The following ZNF131 variants were observed in gnomAD, a reference collection of about 807,000 sequenced individuals.
The protein encoded by ZNF131 is zinc finger protein 131.
Under a neutral mutation model 60.0 loss-of-function variants are expected in ZNF131, and 7 were observed. The observed-to-expected ratio is 0.12, with a 90% CI of 0.07 to 0.22. The LOEUF is 0.22. Among genes scored for constraint, ZNF131 ranks in the 10% least tolerant of loss-of-function variants. ZNF131 has a pLI of 1.00. For missense variants in ZNF131, 493 were observed against 740.9 expected, an observed-to-expected ratio of 0.67 and a Z score of 3.88; for synonymous variants, 257 against 253.2, an observed-to-expected ratio of 1.01 and a Z score of -0.14.
At chr5:43,144,378 A>G (rs1486277945) in intron 4 of ZNF131, among the ~76,000 whole-genome samples, 1 of 146,796 alleles carries the variant, frequency 6.8e-6, no homozygotes, top group Non-Finnish European at 1.5e-5. Context: ...ATAGGCGCTC[A>G]CCACCACGCC....
chr5:43,127,867 C>T (rs1489164600), intron 3 of ZNF131, among the ~76,000 whole-genome samples: 2 of 152,198 alleles, frequency 1.3e-5, no homozygotes, highest in Non-Finnish European at 2.9e-5. Context: ...TAAATTCATT[C>T]TTTTTCTACT....
Position 43,175,304 on chromosome 5 carries a change from T to C in ZNF131, c.*171T>C, listed in dbSNP as rs1023838711. The stretch of plus-strand genomic sequence containing the variant: ...ACATTGATTCCCCTCCCCCTACTTA[T>C]TGCCACAGAGGAGGGATCTTTTCCA... On this transcript the variant is annotated 3_prime_UTR_variant, in exon 7 of 7. Coordinates refer to ENST00000682664, the MANE Select transcript of ZNF131 (RefSeq NM_001330707.2). 75 of 721,744 alleles carry C rather than the reference T, an allele frequency of 1.0e-4. No individual in the cohort carries two copies. In the South Asian group the frequency reaches 1.1e-3, roughly 10 times the overall value. 44.7% of individuals were successfully genotyped at this position (721,744 alleles called of 1,614,324 possible).
chr5:43,167,925 T>TA (rs1470959090), intron 5 of ZNF131: 1 of 447,414 alleles, frequency 2.2e-6, no homozygotes, highest in Non-Finnish European at 4.5e-6. Flanking sequence ...ATTTATTTCT[T>TA]ACAGTTCTGG....
chr5:43,126,528 C>T (rs565773760), intron 3 of ZNF131, among the ~76,000 whole-genome samples: 1 of 152,316 alleles, frequency 6.6e-6, no homozygotes, highest in South Asian at 2.1e-4. Context: ...CTCTCCGTGA[C>T]TTCCCTTGTA....
intron 6 of ZNF131, 136 bp from the exon 7 acceptor site, chr5:43,174,311 G>T: frequency 1.3e-6 from 1 of 794,064 alleles, no homozygotes. Flanking sequence ...GCTTGGACGA[G>T]ATTCTATTGC....
chr5:43,122,158 C>T lies in ZNF131; in HGVS notation c.105C>T (p.Asp35=), dbSNP rs1479953794. ...AGCGAGAGCAGGACCGGTTTACTGA[C>T]ATCACCCTAATTGTCGACGGTGGGT... ...NEQREQDRFT[D]ITLIVDGHHF... Residue 35 remains aspartate, a synonymous_variant, in exon 2 of 7, where the codon GAC becomes GAT. Coordinates refer to ENST00000682664, the MANE Select transcript of ZNF131 (RefSeq NM_001330707.2). 1 of 1,612,262 alleles carries T rather than the reference C, an allele frequency of 6.2e-7. No individual in the cohort carries two copies. The highest frequency in any genetic ancestry group is 2.2e-5 in the East Asian group (1 of 44,740).
intron 3 of ZNF131, chr5:43,123,718 T>C (rs907248305): frequency 6.4e-6 from 1 of 156,794 alleles, no homozygotes; most frequent in African/African-American, 2.4e-5. Context: ...ATAGCAGAAG[T>C]AGTGATGTAT....
intron 4 of ZNF131, among the ~76,000 whole-genome samples, chr5:43,155,944 A>G (rs887371732): frequency 6.6e-6 from 1 of 152,200 alleles, no homozygotes; most frequent in Admixed American, 6.5e-5. Context: ...TATCATCAAT[A>G]TATAACATAA....
chr5:43,151,236 T>G (rs1398033162), intron 4 of ZNF131, among the ~76,000 whole-genome samples: 1 of 152,192 alleles, frequency 6.6e-6, no homozygotes, highest in Non-Finnish European at 1.5e-5. Flanking sequence ...TTTAATTGGA[T>G]TACTCCTATT....
In ZNF131 at chr5:43,162,906, A is replaced by G. The variant is rs1275476418; in HGVS notation, c.1054+975A>G. Among the ~76,000 whole-genome samples, 158 of 121,394 alleles carry G rather than the reference A, an allele frequency of 1.3e-3. 3 individuals carry two copies. Among genetic ancestry groups the G allele is most frequent in the African/African-American group, 4.5e-3 (151 of 33,400 alleles). 79.6% of individuals were successfully genotyped at this position (121,394 alleles called of 152,430 possible). ...GGCAACAAGGGCAAAACTCTGTCTCAAGGGAAAAAAAAAAAAAAAAAAGCA... is the reference window on the plus strand; with the variant it reads ...GGCAACAAGGGCAAAACTCTGTCTCGAGGGAAAAAAAAAAAAAAAAAAGCA... On this transcript the variant is annotated intron_variant, in intron 5 of 6. Transcript: ENST00000682664.
chr5:43,130,843 G>C (rs1745250419), intron 3 of ZNF131, among the ~76,000 whole-genome samples: 1 of 151,688 alleles, frequency 6.6e-6, no homozygotes, highest in Non-Finnish European at 1.5e-5. Context: ...TGGGATTACA[G>C]GCATGAGCCA....
chr5:43,147,511 G>A (rs1409439775), intron 4 of ZNF131, among the ~76,000 whole-genome samples: 1 of 151,380 alleles, frequency 6.6e-6, no homozygotes, highest in African/African-American at 2.4e-5. Context: ...TCCGCCTCCC[G>A]GGTTCACGCC....
chr5:43,134,693 C>CTTTTTTTTTTTTT (rs149464238), intron 3 of ZNF131, among the ~76,000 whole-genome samples: 36 of 88,334 alleles, frequency 4.1e-4, no homozygotes, highest in East Asian at 7.8e-4. Context: ...TTCTTTTTTT[C>CTTTTTTTTTTTTT]TTTTTTTTTT....
At chr5:43,132,106 T>A (rs1041933411) in intron 3 of ZNF131, among the ~76,000 whole-genome samples, 8 of 152,194 alleles carry the variant, frequency 5.3e-5, no homozygotes, top group African/African-American at 1.4e-4. Flanking sequence ...AAATCAAAAT[T>A]TCATTCTACT....
chr5:43,145,005 A>C (rs1340342355), intron 4 of ZNF131, among the ~76,000 whole-genome samples: 3 of 151,982 alleles, frequency 2.0e-5, no homozygotes, highest in Admixed American at 1.3e-4. Flanking sequence ...ATTTTCCATT[A>C]CAACAATAAT....
chr5:43,161,206 A>T, intron 4 of ZNF131, 43 bp from the exon 5 acceptor site: 1 of 1,512,528 alleles, frequency 6.6e-7, no homozygotes, highest in South Asian at 1.3e-5. Context: ...GCCTGGTAGG[A>T]TCTTCTTATA....
intron 2 of ZNF131, among the ~76,000 whole-genome samples, chr5:43,122,573 T>G (rs1744006006): frequency 6.6e-6 from 1 of 152,158 alleles, no homozygotes; most frequent in South Asian, 2.1e-4. Flanking sequence ...CCAAATGGTC[T>G]TGAAGGGAGA....
chr5:43,126,989 C>T (rs542952419), intron 3 of ZNF131, among the ~76,000 whole-genome samples: 2 of 152,216 alleles, frequency 1.3e-5, no homozygotes, highest in Non-Finnish European at 2.9e-5. Context: ...TCTAAGCTGA[C>T]ATATGTGGGA....
chr5:43,146,821 G>A (rs2111638334), intron 4 of ZNF131, among the ~76,000 whole-genome samples: 1 of 152,214 alleles, frequency 6.6e-6, no homozygotes, highest in African/African-American at 2.4e-5. Context: ...CAGGAGAATT[G>A]CTTGAACCCT....
Sources: gnomAD v4.1 joint callset for allele counts (sites outside exome capture counted in the v4.1 genomes callset) on GRCh38, gnomAD v4.1.1 for gene constraint, MANE v1.5 for transcripts, NCBI Gene and HGNC (gene_info 2026-07-23, HGNC 2026-07-21) for gene names.